The following GTF3C1 variants were observed in gnomAD, a reference collection of about 807,000 sequenced individuals.
GTF3C1 encodes general transcription factor 3C polypeptide 1.
Under a neutral mutation model 226.7 loss-of-function variants are expected in GTF3C1, and 57 were observed. The observed-to-expected ratio is 0.25, with a 90% CI of 0.20 to 0.31. GTF3C1 has a LOEUF of 0.31. Ranked by LOEUF, GTF3C1 falls within the 10% of genes least tolerant of loss-of-function variation. The pLI is 1.00. For synonymous variants in GTF3C1, 1,090 were observed against 1,084.8 expected (o/e 1.00, Z -0.09); for missense variants, 2,217 against 2,776.1 (o/e 0.80, Z 4.53).
intron 6 of GTF3C1, among the ~76,000 whole-genome samples, chr16:27,524,806 T>C (rs992584990): frequency 6.6e-6 from 1 of 152,224 alleles, no homozygotes; most frequent in African/African-American, 2.4e-5. Context: ...TAAAAATGAT[T>C]AACAGCTCCA....
chr16:27,506,018 C>A lies in GTF3C1; in HGVS notation c.1651G>T (p.Asp551Tyr). Residue 551 changes from aspartate to tyrosine, a missense_variant, in exon 10 of 37, where the codon GAC becomes TAC. Asp to Tyr is a radical substitution (Grantham distance 160). Transcript: ENST00000356183. ...ERACQSLASR[D>Y]SLLDTSSVSE... is the part of the protein sequence containing the mutation. ...ACGCTGCTGGTATCTAAGAGGCTGT[C>A]CCTGCTGGCAAGGCTCTGGCAGGCT... 6.2e-7 allele frequency: 1 copy of A among 1,613,648 alleles called. No individual in the cohort carries two copies. Among genetic ancestry groups the A allele is most frequent in the Non-Finnish European group, 8.5e-7 (1 of 1,179,512 alleles).
At position 27,471,006 on chromosome 16, in the gene GTF3C1, A is replaced by G. The variant is rs1472607216; in HGVS notation, c.4527-611T>C. The stretch of plus-strand genomic sequence containing the variant: ...GCACGTATCTTCTGCTGCCACACCT[A>G]CTTCCCAGAGGCCTGAGGGTCATTC... On this transcript the variant is annotated intron_variant, in intron 30 of 36. Transcript: ENST00000356183. The surrounding 1 kb of genome is among the most constrained non-coding windows in gnomAD (Gnocchi z 5.0). Among the ~76,000 whole-genome samples, 1 of 152,052 alleles carries G rather than the reference A, an allele frequency of 6.6e-6. No individual in the cohort carries two copies. Among genetic ancestry groups the G allele is most frequent in the African/African-American group, 2.4e-5 (1 of 41,386 alleles).
rs769363950 is a variant in GTF3C1 at position 27,488,313 on chromosome 16, C to T, written c.3614G>A (p.Arg1205Gln). 8.7e-6 allele frequency: 14 copies of T among 1,614,104 alleles called. No individual in the cohort carries two copies. The highest frequency in any genetic ancestry group is 3.3e-5 in the Admixed American group (2 of 60,012). ...FEVDREPSLD[R>Q]NRRVRGGKSQ... ...TTTCCCACCCCTCACTCTCCGGTTT[C>T]GGTCCAGCGAGGGCTCTCGGTCCAC... Residue 1205 changes from arginine to glutamine, a missense_variant, in exon 23 of 37, where the codon CGA (arginine) becomes CAA (glutamine). Around this residue, in one of 12 missense-constraint regions of GTF3C1, gnomAD observed 546 missense variants for 663.0 expected, o/e 0.82. Transcript: ENST00000356183.
chr16:27,512,605 G>C (rs1240882358), intron 6 of GTF3C1, among the ~76,000 whole-genome samples: 1 of 152,204 alleles, frequency 6.6e-6, no homozygotes, highest in Non-Finnish European at 1.5e-5. Flanking sequence ...CTGTGGACTA[G>C]TGTGTGCATT....
rs138289802 is a variant in GTF3C1 at position 27,495,200 on chromosome 16, G to A, written c.2632+11C>T. On this transcript the variant is annotated intron_variant, in intron 15 of 36. Coordinates refer to ENST00000356183, the MANE Select transcript of GTF3C1 (RefSeq NM_001520.4). The stretch of plus-strand genomic sequence containing the variant: ...CCCGCCCCAGGTGCAGGAGTGGCAG[G>A]GGCCTCTCACCTGTCTCCGTGGCAA... The A allele has an allele frequency of 1.6e-4, 249 of 1,597,532 alleles. No individual in the cohort carries two copies. In the Middle Eastern group the frequency reaches 2.7e-3, roughly 18 times the overall value.
At chr16:27,531,661 A>C (rs2088919043) in intron 5 of GTF3C1, among the ~76,000 whole-genome samples, 1 of 152,252 alleles carries the variant, frequency 6.6e-6, no homozygotes, top group Non-Finnish European at 1.5e-5. Context: ...AAGGCTGTCC[A>C]GTAACAGTCA....
intron 7 of GTF3C1, among the ~76,000 whole-genome samples, chr16:27,511,077 A>G (rs548428739): frequency 3.9e-5 from 6 of 152,348 alleles, no homozygotes; most frequent in African/African-American, 1.4e-4. Context: ...AGGGATACCC[A>G]GATCACTGGT....
chr16:27,465,588 CT>C, intron 32 of GTF3C1, 48 bp from the exon 33 acceptor site: 1 of 1,460,712 alleles, frequency 6.8e-7, no homozygotes, highest in Non-Finnish European at 9.3e-7. Flanking sequence ...AGAGGCCCCC[CT>C]CCCCTGACCA....
chr16:27,538,033 C>A, intron 3 of GTF3C1, 106 bp from the exon 4 acceptor site: 7 of 1,381,876 alleles, frequency 5.1e-6, no homozygotes, highest in Non-Finnish European at 6.0e-6. Flanking sequence ...TCCTGTCCAG[C>A]CAACCTAAGA....
rs747657817 is a variant in GTF3C1 at position 27,492,540 on chromosome 16, G to A, written c.2974-25C>T. On this transcript the variant is annotated intron_variant, in intron 18 of 36. Coordinates refer to ENST00000356183, the MANE Select transcript of GTF3C1 (RefSeq NM_001520.4). This position sits in a 1 kb window ranked among gnomAD's most constrained non-coding sequence, Gnocchi z 5.0. ...CCTAAGGGGAGACACCAGACAGGGA[G>A]AACCCACATTGGGTCTGGCTGCTTG... is the stretch of plus-strand genomic sequence containing the variant. 3 of 1,596,048 alleles carry A rather than the reference G, an allele frequency of 1.9e-6. No homozygotes were observed. Among genetic ancestry groups the A allele is most frequent in the South Asian group, 2.2e-5 (2 of 90,706 alleles).
At position 27,549,694 on chromosome 16, in the gene GTF3C1, C is replaced by T; in HGVS notation, c.197G>A (p.Arg66Gln). The change falls in exon 1 of 37, where the codon CGA (arginine) becomes CAA (glutamine). Residue 66 changes from arginine (R) to glutamine (Q), a missense_variant. By Grantham distance (43) the Arg-to-Gln change is conservative (BLOSUM62 1). Coordinates refer to ENST00000356183, the MANE Select transcript of GTF3C1 (RefSeq NM_001520.4). ...GISFYEEPRERPDLQLQDRYE... is the reference protein window; with the variant it reads ...GISFYEEPREQPDLQLQDRYE... ...CCGGTCCTGGAGCTGTAGGTCGGGTCGCTCCCGAGGCTCCTCATAGAAGCT... is the reference window on the plus strand; with the variant it reads ...CCGGTCCTGGAGCTGTAGGTCGGGTTGCTCCCGAGGCTCCTCATAGAAGCT... The T allele has an allele frequency of 7.0e-7, 1 of 1,421,414 alleles. No homozygotes were observed. The highest frequency in any genetic ancestry group is 9.4e-7 in the Non-Finnish European group (1 of 1,065,934). The allele number at this position is 1,421,414 out of a possible 1,614,324, so 88.1% of individuals were successfully genotyped here.
chr16:27,540,783 TGTGTGTATAAACAAGA>T (rs2089069716), intron 2 of GTF3C1, among the ~76,000 whole-genome samples: 1 of 152,194 alleles, frequency 6.6e-6, no homozygotes, highest in Non-Finnish European at 1.5e-5. Context: ...AATTCAAATA[TGTGTGTATAAACAAGA>T]GTGTGTGCAC....
At position 27,511,750 on chromosome 16, in the gene GTF3C1, G is replaced by A. The variant is rs753132816; in HGVS notation, c.1125C>T (p.Leu375=). ...ERDMLTQTYD[L]IERRGTKGIS... ...AGCTGGCATGGGAACAAGACTTACT[G>A]AGGTCGTAGGTCTGTGTGAGCATAT... The change falls in exon 7 of 37, where the codon CTC becomes CTT. Residue 375 remains leucine (L), a splice_region_variant and synonymous_variant. Transcript: ENST00000356183. The A allele has an allele frequency of 6.2e-7, 1 of 1,613,912 alleles. No homozygotes were observed. The highest frequency in any genetic ancestry group is 1.1e-5 in the South Asian group (1 of 91,026).
In GTF3C1 at chr16:27,469,126, G is replaced by A. The variant is rs1246829209; in HGVS notation, c.5074+165C>T. ...GGCACAGCACAGGCACCTGGGGAAG[G>A]CATCCCTTGAGTTGGCTGCAAGGAT... On this transcript the variant is annotated intron_variant, in intron 32 of 36. Transcript: ENST00000356183. This position sits in a 1 kb window ranked among gnomAD's most constrained non-coding sequence, Gnocchi z 4.5. Among the ~76,000 whole-genome samples, 1 of 152,230 alleles carries A rather than the reference G, an allele frequency of 6.6e-6. No individual in the cohort carries two copies. The highest frequency in any genetic ancestry group is 2.4e-5 in the African/African-American group (1 of 41,466).
chr16:27,481,254 A>G, intron 26 of GTF3C1, 63 bp from the exon 27 acceptor site: 1 of 1,387,660 alleles, frequency 7.2e-7, no homozygotes, highest in Middle Eastern at 1.8e-4. Context: ...TTTTGCTAAG[A>G]TGCACCAAGG....
At chr16:27,485,484 C>T (rs1035493989) in intron 24 of GTF3C1, among the ~76,000 whole-genome samples, 8 of 152,142 alleles carry the variant, frequency 5.3e-5, no homozygotes, top group Non-Finnish European at 1.2e-4. Context: ...CAGATCATTC[C>T]GGACATGATG....
In GTF3C1 at chr16:27,501,345, C is replaced by T. The variant is rs755475508; in HGVS notation, c.1908-1G>A. Reference sequence around the variant, plus strand: ...CTGATCCATGATCATCTTCTGAATCCTGGGCATCACAAAATAAGCAGATAA... The same window carrying T: ...CTGATCCATGATCATCTTCTGAATCTTGGGCATCACAAAATAAGCAGATAA... On this transcript the variant is annotated splice_acceptor_variant, in intron 11 of 36. Coordinates refer to ENST00000356183, the MANE Select transcript of GTF3C1 (RefSeq NM_001520.4). LOFTEE classifies it high-confidence loss of function. 1 of 1,613,928 alleles carries T rather than the reference C, an allele frequency of 6.2e-7. No individual in the cohort carries two copies. Among genetic ancestry groups the T allele is most frequent in the South Asian group, 1.1e-5 (1 of 91,076 alleles).
Position 27,461,047 on chromosome 16 carries a change from G to A in GTF3C1, c.*303C>T. 9.3e-6 allele frequency: 3 copies of A among 322,516 alleles called. No individual in the cohort carries two copies. Among genetic ancestry groups the A allele is most frequent in the Non-Finnish European group, 1.2e-5 (2 of 172,356 alleles). 20.0% of individuals were successfully genotyped at this position (322,516 alleles called of 1,614,324 possible). A position where few individuals can be genotyped will look rare whatever the true frequency, so the allele number is the denominator to read the frequency against. On this transcript the variant is annotated 3_prime_UTR_variant, in exon 37 of 37. Coordinates refer to ENST00000356183, the MANE Select transcript of GTF3C1 (RefSeq NM_001520.4). The surrounding 1 kb of genome is among the most constrained non-coding windows in gnomAD (Gnocchi z 5.3). The stretch of plus-strand genomic sequence containing the variant: ...ATGGCTAGAGTCTGGAATGTGAGGT[G>A]TGCACAGGCGGGGCAAACTCTGGAG...
chr16:27,527,075 G>A (rs1169535637), intron 6 of GTF3C1, among the ~76,000 whole-genome samples: 1 of 152,194 alleles, frequency 6.6e-6, no homozygotes, highest in Non-Finnish European at 1.5e-5. Flanking sequence ...AGCATGGTAG[G>A]GTTTGCCTGT....
Sources: allele counts gnomAD v4.1 joint callset (sites outside exome capture counted in the v4.1 genomes callset), GRCh38; gene constraint gnomAD v4.1.1; regional missense constraint gnomAD v4.1.1; non-coding constraint Gnocchi (gnomAD v3.1); transcripts MANE v1.5; gene names NCBI Gene and HGNC (gene_info 2026-07-23, HGNC 2026-07-21).